MEGF9: variants seen among roughly 807,000 people sequenced by gnomAD.
MEGF9 encodes multiple epidermal growth factor-like domains protein 9.
MEGF9 carries 6 observed loss-of-function variants against 46.8 expected under a neutral mutation model. That is an observed-to-expected ratio of 0.13 (90% CI 0.07 to 0.25). MEGF9 has a LOEUF of 0.25. Among genes scored for constraint, MEGF9 ranks in the 10% least tolerant of loss-of-function variants. The pLI is 1.00. For synonymous variants in MEGF9, 302 were observed against 330.7 expected (o/e 0.91, Z 0.94); for missense variants, 683 against 792.4 (o/e 0.86, Z 1.66).
intron 2 of MEGF9, among the ~76,000 whole-genome samples, chr9:120,639,536 T>C (rs1245065195): frequency 7.4e-6 from 1 of 134,426 alleles, no homozygotes; most frequent in Admixed American, 7.4e-5. Context: ...AAAAAAAAGA[T>C]AGGAACTCTG....
At chr9:120,705,674 A>G (rs1325381083) in intron 1 of MEGF9, among the ~76,000 whole-genome samples, 1 of 152,182 alleles carries the variant, frequency 6.6e-6, no homozygotes, top group Admixed American at 6.5e-5. Flanking sequence ...GATACATCTA[A>G]AAGGATAAAT....
At chr9:120,674,026 GTAAAACTA>G (rs1216657663) in intron 1 of MEGF9, among the ~76,000 whole-genome samples, 1 of 149,872 alleles carries the variant, frequency 6.7e-6, no homozygotes, top group Non-Finnish European at 1.5e-5. Context: ...AATGTAAAAT[GTAAAACTA>G]TAACACTTCT....
chr9:120,678,202 A>G (rs549919045), intron 1 of MEGF9, among the ~76,000 whole-genome samples: 2 of 152,324 alleles, frequency 1.3e-5, no homozygotes, highest in African/African-American at 4.8e-5. Flanking sequence ...GTTGATGGAT[A>G]CTTGGGTTGC....
intron 1 of MEGF9, among the ~76,000 whole-genome samples, chr9:120,686,310 C>T (rs2043821890): frequency 6.6e-6 from 1 of 152,098 alleles, no homozygotes; most frequent in Non-Finnish European, 1.5e-5. Context: ...AATCTCCTAA[C>T]CTCGTGATCC....
rs187043947 is a variant in MEGF9 at position 120,658,924 on chromosome 9, C to T, written c.803+450G>A. On this transcript the variant is annotated intron_variant, in intron 2 of 5. Transcript: ENST00000373930. ...CTAGTTAAATAAATTAGGGTACCCC[C>T]AGGTTAAGCTTTAGATGTCCAAAGA... Among the ~76,000 whole-genome samples, 21 of 152,250 alleles carry T rather than the reference C, an allele frequency of 1.4e-4. No homozygotes were observed. The East Asian group carries it at 4.0e-3, about 29-fold the overall frequency.
chr9:120,686,212 C>A (rs2043821465), intron 1 of MEGF9, among the ~76,000 whole-genome samples: 1 of 151,768 alleles, frequency 6.6e-6, no homozygotes, highest in Non-Finnish European at 1.5e-5. Context: ...GCCTCAGCCT[C>A]TCTGAGCAGC....
In MEGF9 at chr9:120,664,623, G is replaced by A. The variant is rs182891575; in HGVS notation, c.602-5048C>T. Among the ~76,000 whole-genome samples, 74 of 152,264 alleles carry A rather than the reference G, an allele frequency of 4.9e-4. 2 individuals carry two copies. The East Asian group carries it at 0.013, about 26-fold the overall frequency. ...CATAGATACTAGAAGACTACTTGTGGCTATAATTAATACAGAGCACTCACA... is the reference window on the plus strand; with the variant it reads ...CATAGATACTAGAAGACTACTTGTGACTATAATTAATACAGAGCACTCACA... On this transcript the variant is annotated intron_variant, in intron 1 of 5. Transcript: ENST00000373930.
At chr9:120,681,480 T>G (rs1405497594) in intron 1 of MEGF9, among the ~76,000 whole-genome samples, 1 of 152,088 alleles carries the variant, frequency 6.6e-6, no homozygotes, top group Non-Finnish European at 1.5e-5. Context: ...TGCTGCGAGA[T>G]GCACTGCCTG....
rs912285082 is a variant in MEGF9 at position 120,714,323 on chromosome 9, C to T, written c.36G>A (p.Leu12=). Residue 12 remains leucine (L), a synonymous_variant, in exon 1 of 6, where the codon CTG becomes CTA. Coordinates refer to ENST00000373930, the MANE Select transcript of MEGF9 (RefSeq NM_001080497.3). ...NGGAERAMRS[L]PSLGGLALLC... is the part of the protein sequence containing the mutation. Reference sequence around the variant, plus strand: ...ACAGGGCGAGGCCGCCCAGGCTCGGCAGGCTCCTCATGGCGCGCTCGGCTC... The same window carrying T: ...ACAGGGCGAGGCCGCCCAGGCTCGGTAGGCTCCTCATGGCGCGCTCGGCTC... 9 of 1,349,972 alleles carry T rather than the reference C, an allele frequency of 6.7e-6. No homozygotes were observed. The Admixed American group carries it at 2.9e-4, about 44-fold the overall frequency. The allele number at this position is 1,349,972 out of a possible 1,614,324, so 83.6% of individuals were successfully genotyped here.
intron 1 of MEGF9, among the ~76,000 whole-genome samples, chr9:120,676,219 C>T (rs1370992388): frequency 6.6e-6 from 1 of 152,092 alleles, no homozygotes; most frequent in Non-Finnish European, 1.5e-5. Context: ...TCACTTGAGT[C>T]CACAAGTTCA....
intron 1 of MEGF9, among the ~76,000 whole-genome samples, chr9:120,708,302 T>C (rs1334063169): frequency 4.0e-5 from 6 of 151,732 alleles, no homozygotes; most frequent in Admixed American, 3.9e-4. Flanking sequence ...GAGGTGGAGG[T>C]TGTAGTGATC....
chr9:120,642,039 T>G (rs908431613), intron 2 of MEGF9, among the ~76,000 whole-genome samples: 3 of 152,218 alleles, frequency 2.0e-5, no homozygotes, highest in Non-Finnish European at 1.5e-5. Context: ...TGACACTTGC[T>G]TTCAGACTTC....
chr9:120,710,847 T>C (rs968614633), intron 1 of MEGF9, among the ~76,000 whole-genome samples: 5 of 152,228 alleles, frequency 3.3e-5, no homozygotes, highest in Admixed American at 6.5e-5. Context: ...CCATGCTCCA[T>C]ACTTGATCAG....
chr9:120,605,352 G>A lies in MEGF9; in HGVS notation c.1647C>T (p.Pro549=), dbSNP rs988204367. Residue 549 remains proline (P), a synonymous_variant, in exon 6 of 6, where the codon CCC becomes CCT. Coordinates refer to ENST00000373930, the MANE Select transcript of MEGF9 (RefSeq NM_001080497.3). This position sits in a 1 kb window ranked among gnomAD's most constrained non-coding sequence, Gnocchi z 4.0. ...REYQNRKLNA[P]FWTIELKEDN... is the part of the protein sequence containing the mutation. ...CTTCTTTCAGCTCGATGGTCCAAAAGGGGGCATTGAGTTTCCGGTTTTGGT... is the reference window on the plus strand; with the variant it reads ...CTTCTTTCAGCTCGATGGTCCAAAAAGGGGCATTGAGTTTCCGGTTTTGGT... 1 of 1,613,898 alleles carries A rather than the reference G, an allele frequency of 6.2e-7. No homozygotes were observed. Among genetic ancestry groups the A allele is most frequent in the Non-Finnish European group, 8.5e-7 (1 of 1,179,902 alleles).
chr9:120,659,110 T>C lies in MEGF9; in HGVS notation c.803+264A>G, dbSNP rs1486868980. 1.6e-4 allele frequency among the ~76,000 whole-genome samples: 24 copies of C among 152,220 alleles called. 1 individual carries two copies. The highest frequency in any genetic ancestry group is 1.5e-3 in the Admixed American group (23 of 15,282). ...AGCAGATTTATTCTTCAATAATTTT[T>C]TCCCATGAAATTTACAGAAATTATC... On this transcript the variant is annotated intron_variant, in intron 2 of 5. Coordinates refer to ENST00000373930, the MANE Select transcript of MEGF9 (RefSeq NM_001080497.3).
At chr9:120,667,238 GTTACATTTAAGATAGCAGGAAGTTA>G (rs1420076233) in intron 1 of MEGF9, among the ~76,000 whole-genome samples, 1 of 152,160 alleles carries the variant, frequency 6.6e-6, no homozygotes, top group Non-Finnish European at 1.5e-5. Context: ...CAAAGTGACT[GTTACATTTAAGATAGCAGGAAGTTA>G]TTAATGCTTC....
rs1040389849 is a variant in MEGF9 at position 120,602,991 on chromosome 9, A to C, written c.*2199T>G. ...AAATCTTCTTGTGTTCTTTTCACTAAGTGCTTCATAGCTGTATGGCCCTGG... is the reference window on the plus strand; with the variant it reads ...AAATCTTCTTGTGTTCTTTTCACTACGTGCTTCATAGCTGTATGGCCCTGG... On this transcript the variant is annotated 3_prime_UTR_variant, in exon 6 of 6. Transcript: ENST00000373930. 22 of 152,186 alleles carry C rather than the reference A, an allele frequency of 1.4e-4. No homozygotes were observed. The highest frequency in any genetic ancestry group is 5.1e-4 in the African/African-American group (21 of 41,442). The allele number at this position is 152,186 out of a possible 1,614,324, so 9.4% of individuals were successfully genotyped here.
chr9:120,630,213 T>G lies in MEGF9; in HGVS notation c.804-7458A>C, dbSNP rs1435833603. Among the ~76,000 whole-genome samples the G allele has an allele frequency of 2.6e-5, 4 of 152,222 alleles. No homozygotes were observed. In the East Asian group the frequency reaches 7.7e-4, roughly 29 times the overall value. The stretch of plus-strand genomic sequence containing the variant: ...CACCTTTTCTACCTTTAATAACCAC[T>G]ATTCTACTTTCTACTTCTATGAGAT... On this transcript the variant is annotated intron_variant, in intron 2 of 5. Coordinates refer to ENST00000373930, the MANE Select transcript of MEGF9 (RefSeq NM_001080497.3).
At chr9:120,661,052 T>C (rs2043699612) in intron 1 of MEGF9, among the ~76,000 whole-genome samples, 1 of 152,200 alleles carries the variant, frequency 6.6e-6, no homozygotes, top group Non-Finnish European at 1.5e-5. Context: ...CAAAATTCTT[T>C]ATGTAATCAC....
Sources: allele counts gnomAD v4.1 joint callset (sites outside exome capture counted in the v4.1 genomes callset), GRCh38; gene constraint gnomAD v4.1.1; non-coding constraint Gnocchi (gnomAD v3.1); transcripts MANE v1.5; gene names NCBI Gene and HGNC (gene_info 2026-07-23, HGNC 2026-07-21).